The following B3GALT1 variants were observed in gnomAD, a reference collection of about 807,000 sequenced individuals.
B3GALT1 encodes beta-1,3-galactosyltransferase 1.
B3GALT1 carries 10 observed loss-of-function variants against 23.2 expected under a neutral mutation model. The observed-to-expected ratio is 0.43, with a 90% CI of 0.27 to 0.73. B3GALT1 has a LOEUF of 0.73. Among genes scored for constraint, B3GALT1 ranks in the 30% least tolerant of loss-of-function variants. B3GALT1 has a pLI of 0.21. For synonymous variants in B3GALT1, 156 were observed against 141.5 expected, an observed-to-expected ratio of 1.10 and a Z score of -0.73; for missense variants, 299 against 405.4, an observed-to-expected ratio of 0.74 and a Z score of 2.25.
chr2:167,822,100 C>A (rs143384541), intron 4 of B3GALT1, among the ~76,000 whole-genome samples: 94 of 152,200 alleles, frequency 6.2e-4, no homozygotes, highest in African/African-American at 2.0e-3. Flanking sequence ...AAGAGGTCTT[C>A]TCCCTCTAAA....
At chr2:167,452,869 T>C (rs1365092939) in intron 1 of B3GALT1, among the ~76,000 whole-genome samples, 1 of 152,122 alleles carries the variant, frequency 6.6e-6, no homozygotes, top group Non-Finnish European at 1.5e-5. Context: ...CTGGGTGCCA[T>C]GAGAGTCACC....
intron 1 of B3GALT1, among the ~76,000 whole-genome samples, chr2:167,448,336 T>G (rs1277989380): frequency 6.6e-6 from 1 of 152,142 alleles, no homozygotes; most frequent in African/African-American, 2.4e-5. Flanking sequence ...AAGGTGGTAT[T>G]ACATTGTGGT....
intron 1 of B3GALT1, among the ~76,000 whole-genome samples, chr2:167,448,925 T>C (rs939520537): frequency 1.3e-5 from 2 of 152,188 alleles, no homozygotes; most frequent in Admixed American, 6.5e-5. Flanking sequence ...TTGGCTTTAT[T>C]TCTGGATTCC....
chr2:167,534,025 G>T (rs1683374210), intron 2 of B3GALT1, among the ~76,000 whole-genome samples: 1 of 151,842 alleles, frequency 6.6e-6, no homozygotes. Context: ...ATTCATTTTT[G>T]GTAATTTGCC....
intron 3 of B3GALT1, among the ~76,000 whole-genome samples, chr2:167,763,892 C>A (rs1381479725): frequency 1.3e-5 from 2 of 152,070 alleles, no homozygotes; most frequent in Admixed American, 6.6e-5. Context: ...GACCCTCATC[C>A]TGATGAGTAT....
At chr2:167,350,449 C>T (rs1268814436) in intron 1 of B3GALT1, among the ~76,000 whole-genome samples, 1 of 152,170 alleles carries the variant, frequency 6.6e-6, no homozygotes, top group African/African-American at 2.4e-5. Flanking sequence ...GCAAAGGGTT[C>T]ATACACAGGC....
intron 1 of B3GALT1, among the ~76,000 whole-genome samples, chr2:167,393,383 G>A (rs1274223862): frequency 1.3e-5 from 2 of 151,670 alleles, no homozygotes; most frequent in Admixed American, 6.6e-5. Context: ...CTCAAGAGCA[G>A]GGAGAGTGTG....
At chr2:167,764,411 C>T (rs957947869) in intron 3 of B3GALT1, among the ~76,000 whole-genome samples, 4 of 152,140 alleles carry the variant, frequency 2.6e-5, no homozygotes, top group Non-Finnish European at 5.9e-5. Context: ...GGAAAAGTTG[C>T]ATATTCAGTG....
intron 3 of B3GALT1, among the ~76,000 whole-genome samples, chr2:167,793,577 G>C (rs772260261): frequency 6.6e-6 from 1 of 151,866 alleles, no homozygotes; most frequent in Admixed American, 6.5e-5. Context: ...AATTGTGTAG[G>C]CAAGGTGCAT....
chr2:167,567,668 T>G (rs1277175873), intron 2 of B3GALT1, among the ~76,000 whole-genome samples: 1 of 151,950 alleles, frequency 6.6e-6, no homozygotes, highest in Non-Finnish European at 1.5e-5. Context: ...ATGCCAGCCT[T>G]CCCCGTTATC....
intron 2 of B3GALT1, among the ~76,000 whole-genome samples, chr2:167,599,785 A>C (rs1006446078): frequency 2.0e-5 from 3 of 152,168 alleles, no homozygotes; most frequent in Non-Finnish European, 2.9e-5. Context: ...TCAGAATTGA[A>C]CAATTCTGAT....
At position 167,654,830 on chromosome 2, in the gene B3GALT1, A is replaced by T. The variant is rs569832817; in HGVS notation, c.-352+7864A>T. On this transcript the variant is annotated intron_variant, in intron 3 of 4. Coordinates refer to ENST00000392690, the MANE Select transcript of B3GALT1 (RefSeq NM_020981.4). ...TTTTTTTTTTTCCACTTAACTTTAG[A>T]CTCTAATTCTTGACTCTCAGATTCT... Among the ~76,000 whole-genome samples, 5 of 149,340 alleles carry T rather than the reference A, an allele frequency of 3.3e-5. No homozygotes were observed. In the East Asian group the frequency reaches 9.8e-4, roughly 29 times the overall value.
chr2:167,789,037 C>A (rs1416785597), intron 3 of B3GALT1, among the ~76,000 whole-genome samples: 1 of 152,174 alleles, frequency 6.6e-6, no homozygotes, highest in Non-Finnish European at 1.5e-5. Context: ...TCATTCTAGT[C>A]CTGTAACAGC....
chr2:167,536,728 A>T (rs1683434812), intron 2 of B3GALT1, among the ~76,000 whole-genome samples: 1 of 152,132 alleles, frequency 6.6e-6, no homozygotes, highest in Non-Finnish European at 1.5e-5. Flanking sequence ...ACTCCAGGAG[A>T]GGTAAGACTC....
chr2:167,850,894 A>C (rs1194136002), intron 4 of B3GALT1, among the ~76,000 whole-genome samples: 2 of 152,186 alleles, frequency 1.3e-5, no homozygotes, highest in Non-Finnish European at 2.9e-5. Flanking sequence ...GGGTGCGCCA[A>C]AATCTCACAA....
intron 2 of B3GALT1, among the ~76,000 whole-genome samples, chr2:167,551,620 C>T (rs552312794): frequency 2.0e-5 from 3 of 152,266 alleles, no homozygotes; most frequent in East Asian, 3.9e-4. Flanking sequence ...GCAGTGCCCT[C>T]GGGGGTTGTC....
chr2:167,570,113 C>A (rs1227139), intron 2 of B3GALT1, among the ~76,000 whole-genome samples: 1 of 151,602 alleles, frequency 6.6e-6, no homozygotes, highest in Admixed American at 6.6e-5. Flanking sequence ...ATGAGAGATA[C>A]TGGTTTGTAC....
chr2:167,535,014 G>A (rs1683392647), intron 2 of B3GALT1, among the ~76,000 whole-genome samples: 1 of 152,106 alleles, frequency 6.6e-6, no homozygotes, highest in Non-Finnish European at 1.5e-5. Context: ...CTAGCAGGTG[G>A]CAGAGCCAGA....
intron 4 of B3GALT1, among the ~76,000 whole-genome samples, chr2:167,852,418 A>G (rs2105418125): frequency 6.6e-6 from 1 of 152,090 alleles, no homozygotes; most frequent in Non-Finnish European, 1.5e-5. Flanking sequence ...ATCACAGAAA[A>G]GATTCAGATT....
Sources: allele counts gnomAD v4.1 joint callset (sites outside exome capture counted in the v4.1 genomes callset), GRCh38; gene constraint gnomAD v4.1.1; transcripts MANE v1.5; gene names NCBI Gene and HGNC (gene_info 2026-07-23, HGNC 2026-07-21).